Variants in LRCH1 observed in about 807,000 individuals in gnomAD.
LRCH1 encodes the protein leucine rich repeats and calponin homology domain containing 1.
In LRCH1, 23 loss-of-function variants were observed where a neutral mutation model predicts 94.9. That is an observed-to-expected ratio of 0.24 (90% CI 0.17 to 0.34). LRCH1 has a LOEUF of 0.34. Ranked by LOEUF, LRCH1 falls within the 10% of genes least tolerant of loss-of-function variation. The pLI, the probability that LRCH1 is intolerant of heterozygous loss-of-function variation, is 1.00. For missense variants in LRCH1, 790 were observed against 945.9 expected (o/e 0.84, Z 2.16); for synonymous variants, 364 against 354.9 (o/e 1.03, Z -0.29).
At chr13:46,626,034 A>G (rs1162587614) in intron 1 of LRCH1, among the ~76,000 whole-genome samples, 1 of 152,208 alleles carries the variant, frequency 6.6e-6, no homozygotes. Flanking sequence ...TATATTCAGC[A>G]GTATTCTATG....
chr13:46,599,875 T>C (rs1424325240), intron 1 of LRCH1, among the ~76,000 whole-genome samples: 1 of 152,206 alleles, frequency 6.6e-6, no homozygotes, highest in East Asian at 1.9e-4. Context: ...CGTAATGGGA[T>C]TGGAAAACAT....
intron 1 of LRCH1, among the ~76,000 whole-genome samples, chr13:46,627,550 T>A (rs543451721): frequency 6.6e-6 from 1 of 152,340 alleles, no homozygotes; most frequent in South Asian, 2.1e-4. Context: ...TGTATCATTA[T>A]GTCACTGCCT....
intron 1 of LRCH1, among the ~76,000 whole-genome samples, chr13:46,572,868 T>G (rs909256054): frequency 3.3e-5 from 5 of 152,096 alleles, no homozygotes; most frequent in African/African-American, 9.7e-5. Flanking sequence ...CCTGTTACTG[T>G]ATGTGACAAG....
intron 1 of LRCH1, among the ~76,000 whole-genome samples, chr13:46,637,694 C>T (rs1185742964): frequency 1.3e-5 from 2 of 149,070 alleles, no homozygotes; most frequent in Admixed American, 1.4e-4. Flanking sequence ...AGTTGCCACG[C>T]TTCTCCCGCA....
chr13:46,710,178 C>T (rs1451028200), intron 13 of LRCH1, among the ~76,000 whole-genome samples: 1 of 152,018 alleles, frequency 6.6e-6, no homozygotes, highest in African/African-American at 2.4e-5. Context: ...GAAAAATTTG[C>T]AGAAGAAATA....
chr13:46,636,646 G>T (rs937653436), intron 1 of LRCH1, among the ~76,000 whole-genome samples: 1 of 152,024 alleles, frequency 6.6e-6, no homozygotes, highest in East Asian at 1.9e-4. Context: ...TTTTCTCAGG[G>T]TCACCTGTGG....
In LRCH1 at chr13:46,733,972, G is replaced by A; in HGVS notation, c.2059G>A (p.Ala687Thr). The change falls in exon 19 of 20, where the codon GCA becomes ACA. Residue 687 changes from alanine to threonine, a missense_variant. Around this residue, in one of 3 missense-constraint regions of LRCH1, gnomAD observed 460 missense variants for 508.9 expected, o/e 0.90. Transcript: ENST00000389797. Reference sequence around the variant, plus strand: ...AAGAAATGTGGAAAACTTTTTGGAAGCATGCCGAAAATTAGGAGTACCAGA... The same window carrying A: ...AAGAAATGTGGAAAACTTTTTGGAAACATGCCGAAAATTAGGAGTACCAGA... ...CRRNVENFLE[A>T]CRKLGVPEAD... is the part of the protein sequence containing the mutation. 1 of 1,604,124 alleles carries A rather than the reference G, an allele frequency of 6.2e-7. No individual in the cohort carries two copies. Among genetic ancestry groups the A allele is most frequent in the African/African-American group, 1.3e-5 (1 of 74,802 alleles).
chr13:46,559,966 A>G (rs1038165372), intron 1 of LRCH1, among the ~76,000 whole-genome samples: 1 of 152,284 alleles, frequency 6.6e-6, no homozygotes, highest in Middle Eastern at 3.4e-3. Context: ...TTTAAAGGGT[A>G]GATACCTTTT....
At chr13:46,747,881 G>T (rs956352164), downstream of LRCH1, among the ~76,000 whole-genome samples, 5 of 152,180 alleles carry the variant, frequency 3.3e-5, no homozygotes, top group South Asian at 4.2e-4. Flanking sequence ...GGGACCACAG[G>T]TGCACACCAC....
chr13:46,742,362 T>A lies in LRCH1; in HGVS notation c.*514T>A, dbSNP rs762247485. 2.2e-5 allele frequency: 22 copies of A among 994,808 alleles called. No individual in the cohort carries two copies. Among genetic ancestry groups the A allele is most frequent in the African/African-American group, 3.5e-5 (2 of 57,354 alleles). The allele number at this position is 994,808 out of a possible 1,614,324, so 61.6% of individuals were successfully genotyped here. A position where few individuals can be genotyped will look rare whatever the true frequency, so the allele number is the denominator to read the frequency against. On this transcript the variant is annotated 3_prime_UTR_variant, in exon 20 of 20. Transcript: ENST00000389797. ...CAACTTGATCTATACAAAACTTTAATAATACCACTACTGACCAAGTTGGAC... is the reference window on the plus strand; with the variant it reads ...CAACTTGATCTATACAAAACTTTAAAAATACCACTACTGACCAAGTTGGAC...
intron 3 of LRCH1, among the ~76,000 whole-genome samples, chr13:46,671,006 T>G (rs1257495827): frequency 6.6e-6 from 1 of 152,170 alleles, no homozygotes; most frequent in Non-Finnish European, 1.5e-5. Flanking sequence ...AGGCAACTCC[T>G]TCACAGGGCA....
At chr13:46,669,759 T>C (rs563550362) in intron 3 of LRCH1, among the ~76,000 whole-genome samples, 12 of 152,296 alleles carry the variant, frequency 7.9e-5, no homozygotes, top group Non-Finnish European at 1.2e-4. Flanking sequence ...TTTTTCTAAA[T>C]TGGGAAAGAA....
At chr13:46,617,653 A>G (rs2138016221) in intron 1 of LRCH1, among the ~76,000 whole-genome samples, 1 of 152,310 alleles carries the variant, frequency 6.6e-6, no homozygotes, top group South Asian at 2.1e-4. Context: ...GTCCTTGCCT[A>G]ACCCTTGTCT....
chr13:46,724,237 C>T (rs1872711157), intron 17 of LRCH1, among the ~76,000 whole-genome samples: 2 of 152,130 alleles, frequency 1.3e-5, no homozygotes, highest in Admixed American at 1.3e-4. Context: ...TTTTAAGAGA[C>T]TCTCTCTGTT....
chr13:46,650,981 C>T (rs1342393721), intron 2 of LRCH1, among the ~76,000 whole-genome samples: 1 of 152,170 alleles, frequency 6.6e-6, no homozygotes, highest in Admixed American at 6.5e-5. Context: ...TATATTAATG[C>T]CCCTGAGTAG....
At chr13:46,668,375 CA>C (rs1218016047) in intron 2 of LRCH1, among the ~76,000 whole-genome samples, 1 of 152,140 alleles carries the variant, frequency 6.6e-6, no homozygotes, top group Admixed American at 6.5e-5. Flanking sequence ...GCTGCAGTTC[CA>C]CTTTGCCAGA....
chr13:46,697,237 G>A (rs926363508), intron 9 of LRCH1, among the ~76,000 whole-genome samples: 6 of 152,266 alleles, frequency 3.9e-5, no homozygotes, highest in African/African-American at 1.4e-4. Flanking sequence ...GGGAAATAGA[G>A]GGCTGGGTTC....
chr13:46,562,840 G>T (rs551141894), intron 1 of LRCH1, among the ~76,000 whole-genome samples: 1 of 152,306 alleles, frequency 6.6e-6, no homozygotes, highest in Admixed American at 6.5e-5. Context: ...TCCACGCTGA[G>T]AGTCCCAATA....
chr13:46,558,659 G>A (rs1198877479), intron 1 of LRCH1, among the ~76,000 whole-genome samples: 1 of 150,784 alleles, frequency 6.6e-6, no homozygotes, highest in Non-Finnish European at 1.5e-5. Flanking sequence ...CTTGAACCTG[G>A]GAGGTGAAGG....
Sources: gnomAD v4.1 joint callset for allele counts (sites outside exome capture counted in the v4.1 genomes callset) on GRCh38, gnomAD v4.1.1 for gene constraint, gnomAD v4.1.1 regional missense constraint, MANE v1.5 for transcripts, NCBI Gene and HGNC (gene_info 2026-07-23, HGNC 2026-07-21) for gene names.